AGBL3: variants seen among roughly 807,000 people sequenced by gnomAD.
AGBL3 encodes AGBL carboxypeptidase 3, also known as cytosolic carboxypeptidase 3.
In AGBL3, 68 loss-of-function variants were observed where a neutral mutation model predicts 94.5. That is an observed-to-expected ratio of 0.72 (90% CI 0.59 to 0.88). The LOEUF is 0.88. Ranked by LOEUF, AGBL3 falls within the 40% of genes least tolerant of loss-of-function variation. AGBL3 has a pLI of 0.00. For synonymous variants in AGBL3, 354 were observed against 370.7 expected (o/e 0.95, Z 0.52); for missense variants, 934 against 1,103.8 (o/e 0.85, Z 2.18).
At chr7:135,065,957 A>C (rs1225629504) in intron 12 of AGBL3, among the ~76,000 whole-genome samples, 1 of 152,192 alleles carries the variant, frequency 6.6e-6, no homozygotes, top group Non-Finnish European at 1.5e-5. Context: ...GGACCTTTAT[A>C]CTACACACAA....
At chr7:135,074,243 A>C (rs1820245928) in intron 12 of AGBL3, among the ~76,000 whole-genome samples, 1 of 152,210 alleles carries the variant, frequency 6.6e-6, no homozygotes. Context: ...AAAAAAGCAA[A>C]GATGATTCTT....
At chr7:135,059,291 T>C (rs1818617161) in intron 12 of AGBL3, 56 bp downstream of exon 12, 1 of 1,288,152 alleles carries the variant, frequency 7.8e-7, no homozygotes, top group African/African-American at 1.6e-5. Context: ...ACTGTTCTTA[T>C]TGTGACTAAT....
chr7:135,107,363 T>C (rs1451878932), intron 15 of AGBL3, among the ~76,000 whole-genome samples: 1 of 152,176 alleles, frequency 6.6e-6, no homozygotes. Flanking sequence ...TGATATAAAT[T>C]TCTCTCTTAA....
intron 4 of AGBL3, among the ~76,000 whole-genome samples, chr7:134,996,828 T>C (rs931117503): frequency 6.6e-5 from 10 of 152,064 alleles, no homozygotes; most frequent in African/African-American, 2.4e-4. Flanking sequence ...CCAAAAAGAG[T>C]TGCATCAATT....
intron 12 of AGBL3, among the ~76,000 whole-genome samples, chr7:135,066,335 C>A (rs528049599): frequency 6.6e-6 from 1 of 152,308 alleles, no homozygotes; most frequent in African/African-American, 2.4e-5. Context: ...ATAGACATTT[C>A]TCCAAGGAAG....
chr7:135,036,575 C>G (rs930633156), intron 7 of AGBL3, among the ~76,000 whole-genome samples: 1 of 152,158 alleles, frequency 6.6e-6, no homozygotes, highest in Non-Finnish European at 1.5e-5. Flanking sequence ...AAGCATTCCC[C>G]ATTCTTAATA....
chr7:135,032,876 G>T lies in AGBL3; in HGVS notation c.451G>T (p.Val151Phe). The T allele has an allele frequency of 6.4e-7, 1 of 1,550,608 alleles. No individual in the cohort carries two copies. Among genetic ancestry groups the T allele is most frequent in the Non-Finnish European group, 8.7e-7 (1 of 1,146,546 alleles). Residue 151 changes from valine (V) to phenylalanine (F), a missense_variant, in exon 6 of 17, where the codon GTT (valine) becomes TTT (phenylalanine). Val to Phe is a conservative substitution (Grantham distance 50). Coordinates refer to ENST00000436302, the MANE Select transcript of AGBL3 (RefSeq NM_178563.4). ...AGAGCCCTGTTTTGTGTATTCCCGA[G>T]TTGGGGGTAACCGAACACCTTTGAA... ...YKEPCFVYSR[V>F]GGNRTPLKQP...
chr7:135,101,244 A>G lies in AGBL3; in HGVS notation c.2111-14136A>G, dbSNP rs1420424564. 14 of 456,082 alleles carry G rather than the reference A, an allele frequency of 3.1e-5. No homozygotes were observed. The East Asian group carries it at 3.5e-4, about 11-fold the overall frequency. 28.3% of individuals were successfully genotyped at this position (456,082 alleles called of 1,614,324 possible). The stretch of plus-strand genomic sequence containing the variant: ...GTCTCCTATGGGCAAACAAACTTCT[A>G]CTTGGACTGAGAAGACAAGGATACC... On this transcript the variant is annotated intron_variant, in intron 15 of 16. Transcript: ENST00000436302.
chr7:135,107,674 A>C (rs189067692), intron 15 of AGBL3, among the ~76,000 whole-genome samples: 3 of 152,356 alleles, frequency 2.0e-5, no homozygotes, highest in African/African-American at 7.2e-5. Context: ...TATGGCAATG[A>C]GAAGAATGTA....
At chr7:135,089,456 T>G (rs1563252336) in intron 15 of AGBL3, among the ~76,000 whole-genome samples, 2 of 152,222 alleles carry the variant, frequency 1.3e-5, no homozygotes. Context: ...CATTGATGCC[T>G]GTGCATCTGG....
intron 11 of AGBL3, among the ~76,000 whole-genome samples, chr7:135,053,004 A>G (rs1443666007): frequency 6.6e-6 from 1 of 152,224 alleles, no homozygotes; most frequent in East Asian, 1.9e-4. Flanking sequence ...TCATCCTTAC[A>G]TGTGCAGAAA....
intron 4 of AGBL3, among the ~76,000 whole-genome samples, chr7:134,996,957 G>A (rs1271453194): frequency 1.3e-5 from 2 of 152,158 alleles, no homozygotes; most frequent in Non-Finnish European, 2.9e-5. Flanking sequence ...TCATGGTTAT[G>A]GTTTATTATG....
intron 15 of AGBL3, among the ~76,000 whole-genome samples, chr7:135,106,812 G>C (rs921223578): frequency 6.6e-6 from 1 of 152,152 alleles, no homozygotes; most frequent in Admixed American, 6.5e-5. Flanking sequence ...TTGTACATCT[G>C]ATTGAATTCA....
At chr7:135,122,046 G>A (rs4732099) in intron 16 of AGBL3, among the ~76,000 whole-genome samples, 73,769 of 152,064 alleles carry the variant, frequency 0.49, 18,266 homozygotes, top group South Asian at 0.66. Context: ...CAGCACCACA[G>A]CTGTGTCTGC....
intron 15 of AGBL3, among the ~76,000 whole-genome samples, chr7:135,103,573 T>G (rs1011356354): frequency 2.0e-5 from 3 of 152,236 alleles, no homozygotes; most frequent in Non-Finnish European, 2.9e-5. Context: ...TTCAAGTTTC[T>G]GACATATGGA....
intron 15 of AGBL3, among the ~76,000 whole-genome samples, chr7:135,096,783 G>GAAAGAAAGAAAGAAAGA: frequency 6.7e-6 from 1 of 148,866 alleles, no homozygotes; most frequent in African/African-American, 2.5e-5. Context: ...AAGAAAGAAA[G>GAAAGAAAGAAAGAAAGA]AAAGAAAGAA....
At chr7:135,105,894 T>C (rs1221045597) in intron 15 of AGBL3, among the ~76,000 whole-genome samples, 1 of 152,228 alleles carries the variant, frequency 6.6e-6, no homozygotes, top group Non-Finnish European at 1.5e-5. Flanking sequence ...CATTTGTTTA[T>C]GTCACTTCTG....
At chr7:135,048,517 T>C (rs1432315609) in intron 11 of AGBL3, among the ~76,000 whole-genome samples, 2 of 152,020 alleles carry the variant, frequency 1.3e-5, no homozygotes, top group East Asian at 3.9e-4. Flanking sequence ...TTCAGTCTTC[T>C]TTAATTTCTT....
intron 4 of AGBL3, among the ~76,000 whole-genome samples, chr7:135,002,363 G>A (rs1200259681): frequency 1.3e-5 from 2 of 152,146 alleles, no homozygotes; most frequent in African/African-American, 2.4e-5. Flanking sequence ...GTCATGATGT[G>A]AGATAACACT....
Sources: allele counts gnomAD v4.1 joint callset (sites outside exome capture counted in the v4.1 genomes callset), GRCh38; gene constraint gnomAD v4.1.1; transcripts MANE v1.5; gene names NCBI Gene and HGNC (gene_info 2026-07-23, HGNC 2026-07-21).